PCNP: variants seen among roughly 807,000 people sequenced by gnomAD.
The protein encoded by PCNP is PEST proteolytic signal containing nuclear protein.
In PCNP, 6 loss-of-function variants were observed where a neutral mutation model predicts 21.8. The ratio of observed to expected loss-of-function variants is 0.28; its 90% CI spans 0.15 to 0.54. The LOEUF is 0.54. PCNP is among the 20% of genes least tolerant of loss of function. The probability of loss-of-function intolerance (pLI) is 0.95; values close to 1 mark genes in which losing one functional copy is unlikely to be tolerated. For missense variants in PCNP, 161 were observed against 215.5 expected (o/e 0.75, Z 1.58); for synonymous variants, 67 against 73.2 (o/e 0.92, Z 0.43).
chr3:101,576,960 A>C, intron 1 of PCNP: 1 of 1,291,648 alleles, frequency 7.7e-7, no homozygotes, highest in Non-Finnish European at 1.1e-6. Context: ...CGGCAGCACA[A>C]GCGGCGGCGT....
In PCNP at chr3:101,593,354, T is replaced by C. The variant is rs1206049162; in HGVS notation, c.*601T>C. Reference sequence around the variant, plus strand: ...TAAAAGATTTTTTTTTTATGTAAACTGTTGAATATTTGAAATAGTCCACTT... The same window carrying C: ...TAAAAGATTTTTTTTTTATGTAAACCGTTGAATATTTGAAATAGTCCACTT... On this transcript the variant is annotated 3_prime_UTR_variant, in exon 5 of 5. Coordinates refer to ENST00000265260, the MANE Select transcript of PCNP (RefSeq NM_020357.3). The C allele has an allele frequency of 6.6e-6, 1 of 152,644 alleles. No individual in the cohort carries two copies. The highest frequency in any genetic ancestry group is 1.5e-5 in the Non-Finnish European group (1 of 68,026). The allele number at this position is 152,644 out of a possible 1,614,324, so 9.5% of individuals were successfully genotyped here.
intron 1 of PCNP, chr3:101,576,437 T>A (rs1934894429): frequency 2.3e-6 from 3 of 1,292,056 alleles, no homozygotes; most frequent in Admixed American, 2.8e-5. Flanking sequence ...TTTTATTTTT[T>A]ATTTTTTTCA....
At chr3:101,580,187 CAAT>C (rs144008875) in intron 2 of PCNP, among the ~76,000 whole-genome samples, 183 bp downstream of exon 2, 58,723 of 151,856 alleles carry the variant, frequency 0.39, 12,389 homozygotes, top group Non-Finnish European at 0.48. Context: ...AATTTTATCT[CAAT>C]AAAGCTGTTA....
chr3:101,592,419 C>A (rs1397085737), intron 4 of PCNP, among the ~76,000 whole-genome samples: 1 of 151,964 alleles, frequency 6.6e-6, no homozygotes, highest in African/African-American at 2.4e-5. Flanking sequence ...GGTGATCCAC[C>A]TGCCTCGACC....
chr3:101,590,630 G>T (rs754196491), intron 4 of PCNP, among the ~76,000 whole-genome samples: 1 of 151,720 alleles, frequency 6.6e-6, no homozygotes, highest in African/African-American at 2.4e-5. Context: ...CTGCAGCCTC[G>T]ATCTCCCACA....
intron 4 of PCNP, among the ~76,000 whole-genome samples, chr3:101,592,325 C>T (rs1935859055): frequency 6.6e-6 from 1 of 151,964 alleles, no homozygotes; most frequent in Non-Finnish European, 1.5e-5. Context: ...AGGCATGGAC[C>T]ACCATGCCTG....
chr3:101,588,492 G>A (rs571072015), intron 3 of PCNP, among the ~76,000 whole-genome samples: 1 of 152,160 alleles, frequency 6.6e-6, no homozygotes, highest in Non-Finnish European at 1.5e-5. Flanking sequence ...ACATGTATCC[G>A]AAATCATCTT....
chr3:101,588,938 C>G (rs1022953693), intron 3 of PCNP, among the ~76,000 whole-genome samples: 2 of 152,212 alleles, frequency 1.3e-5, no homozygotes, highest in Admixed American at 1.3e-4. Flanking sequence ...TGTCAAATTA[C>G]TATTCTACCT....
intron 3 of PCNP, among the ~76,000 whole-genome samples, chr3:101,587,812 G>A (rs1935610840): frequency 6.6e-6 from 1 of 152,098 alleles, no homozygotes; most frequent in Admixed American, 6.6e-5. Flanking sequence ...TAGGAGGGAA[G>A]AACGATACAG....
intron 1 of PCNP, chr3:101,574,696 T>TGCCGCGGGAACTG (rs745999201): frequency 3.8e-4 from 65 of 169,930 alleles, no homozygotes; most frequent in Non-Finnish European, 7.2e-4. Flanking sequence ...ACCGAGTAGT[T>TGCCGCGGGAACTG]GCCGCGGGAA....
chr3:101,588,630 C>A (rs565994802), intron 3 of PCNP, among the ~76,000 whole-genome samples: 32 of 152,248 alleles, frequency 2.1e-4, no homozygotes, highest in African/African-American at 7.5e-4. Flanking sequence ...CCAGCTGTTA[C>A]ATATGTGTAG....
intron 1 of PCNP, among the ~76,000 whole-genome samples, 190 bp downstream of exon 1, chr3:101,574,469 G>T (rs747275905): frequency 6.6e-6 from 1 of 152,192 alleles, no homozygotes; most frequent in Admixed American, 6.5e-5. Flanking sequence ...TCGCCTCCTT[G>T]CCTGGGGAGA....
At chr3:101,577,144 G>A (rs1437908621) in intron 1 of PCNP, among the ~76,000 whole-genome samples, 1 of 152,210 alleles carries the variant, frequency 6.6e-6, no homozygotes, top group Non-Finnish European at 1.5e-5. Context: ...TTCTGTCTAT[G>A]AGAGAAGCTA....
intron 3 of PCNP, among the ~76,000 whole-genome samples, chr3:101,586,569 TGTGAGAGAGAGA>T (rs1204914092): frequency 7.3e-6 from 1 of 136,740 alleles, no homozygotes; most frequent in Non-Finnish European, 1.6e-5. Flanking sequence ...TGTGTGTGTG[TGTGAGAGAGAGA>T]GAGAGAGAGT....
chr3:101,589,193 G>A (rs1174623583), intron 3 of PCNP, among the ~76,000 whole-genome samples: 5 of 152,074 alleles, frequency 3.3e-5, no homozygotes, highest in Non-Finnish European at 7.4e-5. Context: ...ATTTATTCAA[G>A]TGTATACTCA....
chr3:101,589,501 C>T (rs946839700), intron 3 of PCNP, among the ~76,000 whole-genome samples: 3 of 151,612 alleles, frequency 2.0e-5, no homozygotes, highest in Admixed American at 2.0e-4. Context: ...ACCTTTGCCT[C>T]CCGAATTCAA....
intron 2 of PCNP, among the ~76,000 whole-genome samples, chr3:101,585,025 TAGTG>T (rs1006114349): frequency 3.2e-4 from 48 of 152,110 alleles, no homozygotes; most frequent in African/African-American, 9.2e-4. Flanking sequence ...ACAAAAAACA[TAGTG>T]AGAAGAGATG....
At chr3:101,580,702 C>CTTAGATTAATACTTA (rs1250189341) in intron 2 of PCNP, among the ~76,000 whole-genome samples, 4 of 152,024 alleles carry the variant, frequency 2.6e-5, no homozygotes, top group African/African-American at 9.7e-5. Flanking sequence ...AGATGTCAGC[C>CTTAGATTAATACTTA]TTAGATTAAT....
At chr3:101,586,170 CAAAAAAAAAA>C (rs10529220) in intron 3 of PCNP, among the ~76,000 whole-genome samples, 48 of 97,532 alleles carry the variant, frequency 4.9e-4, no homozygotes, top group South Asian at 7.3e-4. Context: ...GTCTCTGTCT[CAAAAAAAAAA>C]AAAAAAAAAA....
Sources: gnomAD v4.1 joint callset for allele counts (sites outside exome capture counted in the v4.1 genomes callset) on GRCh38, gnomAD v4.1.1 for gene constraint, MANE v1.5 for transcripts, NCBI Gene and HGNC (gene_info 2026-07-23, HGNC 2026-07-21) for gene names.